TYRO3: variants seen among roughly 807,000 people sequenced by gnomAD.
TYRO3 encodes TYRO3 protein tyrosine kinase.
In TYRO3, 38 loss-of-function variants were observed where a neutral mutation model predicts 95.2. The ratio of observed to expected loss-of-function variants is 0.40; its 90% CI spans 0.31 to 0.52. The LOEUF (loss-of-function observed/expected upper bound fraction) is 0.52, where lower values mean the gene tolerates loss of function less well. Among genes scored for constraint, TYRO3 ranks in the 20% least tolerant of loss-of-function variants. The pLI is 0.56. For synonymous variants in TYRO3, 367 were observed against 432.9 expected, an observed-to-expected ratio of 0.85 and a Z score of 1.89; for missense variants, 812 against 1,116.4, an observed-to-expected ratio of 0.73 and a Z score of 3.89.
intron 18 of TYRO3, chr15:41,574,546 C>T (rs959735236): frequency 1.9e-5 from 8 of 421,866 alleles, no homozygotes; most frequent in Middle Eastern, 3.5e-4. Context: ...ACATGGCCAA[C>T]GTCACAGAGC....
intron 6 of TYRO3, among the ~76,000 whole-genome samples, chr15:41,566,321 A>G (rs1439162096): frequency 4.1e-3 from 3 of 740 alleles, no homozygotes; most frequent in Non-Finnish European, 0.033. Flanking sequence ...TGTCTCTATT[A>G]AAAAAAAAAA....
rs927075496 is a variant in TYRO3 at position 41,578,974 on chromosome 15, G to T, written c.*698G>T. On this transcript the variant is annotated 3_prime_UTR_variant, in exon 19 of 19. Transcript: ENST00000263798. ...TGCCGAGCCAGCAAGAGGAAGGGGT[G>T]CTGTGAGGCTTGCCCAGGAGCAAGT... 1.3e-5 allele frequency: 2 copies of T among 153,516 alleles called. No homozygotes were observed. The highest frequency in any genetic ancestry group is 4.8e-5 in the African/African-American group (2 of 41,460). The allele number at this position is 153,516 out of a possible 1,614,324, so 9.5% of individuals were successfully genotyped here.
chr15:41,559,340 C>T lies in TYRO3; in HGVS notation c.83C>T (p.Ala28Val). The T allele has an allele frequency of 2.8e-6, 1 of 355,856 alleles. No individual in the cohort carries two copies. Among genetic ancestry groups the T allele is most frequent in the Non-Finnish European group, 5.0e-6 (1 of 199,618 alleles). The allele number at this position is 355,856 out of a possible 1,614,324, so 22.0% of individuals were successfully genotyped here. Residue 28 changes from alanine (A) to valine (V), a missense_variant, in exon 1 of 19, where the codon GCG becomes GTG. Coordinates refer to ENST00000263798, the MANE Select transcript of TYRO3 (RefSeq NM_006293.4). ...PPPPRLGLLL[A>V]ALASLLLPES... ...CCACCGCGGCTCGGGCTGCTGCTGGCGGCTCTGGCTTCTCTGCTGCTCCCG... is the reference window on the plus strand; with the variant it reads ...CCACCGCGGCTCGGGCTGCTGCTGGTGGCTCTGGCTTCTCTGCTGCTCCCG...
At chr15:41,575,842 C>CG (rs2055852764) in intron 18 of TYRO3, among the ~76,000 whole-genome samples, 1 of 152,076 alleles carries the variant, frequency 6.6e-6, no homozygotes, top group African/African-American at 2.4e-5. Flanking sequence ...TGGCAGGGGA[C>CG]GGTGGCTCAC....
At chr15:41,573,865 T>G (rs1443490177) in intron 18 of TYRO3, 50 bp downstream of exon 18, 2 of 1,369,046 alleles carry the variant, frequency 1.5e-6, no homozygotes, top group Non-Finnish European at 2.0e-6. Flanking sequence ...ATCTGGAGTT[T>G]TGGCTGATGG....
intron 1 of TYRO3, 133 bp downstream of exon 1, chr15:41,559,514 C>G (rs900996184): frequency 3.5e-6 from 1 of 286,646 alleles, no homozygotes; most frequent in South Asian, 1.6e-4. Flanking sequence ...GGCTCGGAGC[C>G]GGGACAGGGC....
At chr15:41,566,762 A>T (rs561890622) in intron 6 of TYRO3, among the ~76,000 whole-genome samples, 1 of 152,364 alleles carries the variant, frequency 6.6e-6, no homozygotes, top group South Asian at 2.1e-4. Context: ...TTACAAATGC[A>T]AACCTGATCT....
chr15:41,566,320 T>TA (rs57924730), intron 6 of TYRO3, among the ~76,000 whole-genome samples: 8 of 40,956 alleles, frequency 2.0e-4, no homozygotes, highest in African/African-American at 8.3e-4. Flanking sequence ...CTGTCTCTAT[T>TA]AAAAAAAAAA....
At chr15:41,565,257 C>T in intron 6 of TYRO3, 116 bp downstream of exon 6, 2 of 664,140 alleles carry the variant, frequency 3.0e-6, no homozygotes, top group Non-Finnish European at 2.7e-6. Context: ...TCTTTTCAGG[C>T]TCTGCTCCTT....
intron 7 of TYRO3, 104 bp from the exon 8 acceptor site, chr15:41,568,113 C>A: frequency 6.8e-7 from 1 of 1,474,034 alleles, no homozygotes; most frequent in Non-Finnish European, 9.3e-7. Context: ...CAGTTTGTGC[C>A]TCTCAGAGCT....
rs1251813146 is a variant in TYRO3, at chr15:41,581,799, G to C, written c.*3523G>C. ...ACTGAGATGGCACCAGTGCACTCCAGCCTGGGTGACAGAGCGAGACTCCAT... is the reference window on the plus strand; with the variant it reads ...ACTGAGATGGCACCAGTGCACTCCACCCTGGGTGACAGAGCGAGACTCCAT... On this transcript the variant is annotated 3_prime_UTR_variant, in exon 19 of 19. Transcript: ENST00000263798. 7.5e-6 allele frequency: 1 copy of C among 133,122 alleles called. No individual in the cohort carries two copies. Among genetic ancestry groups the C allele is most frequent in the Non-Finnish European group, 1.5e-5 (1 of 65,248 alleles). 8.2% of individuals were successfully genotyped at this position (133,122 alleles called of 1,614,324 possible).
intron 6 of TYRO3, among the ~76,000 whole-genome samples, chr15:41,566,127 A>G (rs1395217817): frequency 6.6e-6 from 1 of 152,012 alleles, no homozygotes; most frequent in East Asian, 1.9e-4. Flanking sequence ...AGCCTGGGCA[A>G]CATGGCAAAA....
intron 4 of TYRO3, among the ~76,000 whole-genome samples, chr15:41,563,451 A>G (rs2055682209): frequency 6.6e-6 from 1 of 152,148 alleles, no homozygotes; most frequent in South Asian, 2.1e-4. Context: ...GCGCTGAGCT[A>G]GGTTCTCCAG....
chr15:41,581,619 G>A lies in TYRO3; in HGVS notation c.*3343G>A, dbSNP rs2055923826. The A allele has an allele frequency of 6.6e-6, 1 of 152,166 alleles. No individual in the cohort carries two copies. The highest frequency in any genetic ancestry group is 2.4e-5 in the African/African-American group (1 of 41,484). The allele number at this position is 152,166 out of a possible 1,614,324, so 9.4% of individuals were successfully genotyped here. ...AGGCGGGTGGATCACCTGAGGTCAG[G>A]GGTTCAAGACCAGCCTGGCCAACAT... On this transcript the variant is annotated 3_prime_UTR_variant, in exon 19 of 19. Transcript: ENST00000263798.
chr15:41,567,414 C>G lies in TYRO3; in HGVS notation c.838C>G (p.Pro280Ala). The change falls in exon 7 of 19, where the codon CCC (proline) becomes GCC (alanine). Residue 280 changes from proline to alanine, a missense_variant. Transcript: ENST00000263798. ...EVLAVVVPVP[P>A]FTCLLRDLVP... ...CCTGGCTGTTGTGGTCCCTGTGCCC[C>G]CCTTTACCTGCCTGCTCCGGGACCT... is the stretch of plus-strand genomic sequence containing the variant. The G allele has an allele frequency of 6.2e-7, 1 of 1,609,308 alleles. No individual in the cohort carries two copies. Among genetic ancestry groups the G allele is most frequent in the African/African-American group, 1.3e-5 (1 of 74,684 alleles).
chr15:41,561,263 C>T lies in TYRO3; in HGVS notation c.261C>T (p.Asp87=). The change falls in exon 2 of 19, where the codon GAC becomes GAT. Residue 87 remains aspartate, a synonymous_variant. Transcript: ENST00000263798. ...VKDGAVVQNL[D]QLYIPVSEQH... Reference sequence around the variant, plus strand: ...ATGGGGCTGTGGTCCAGAACTTGGACCAGTTGTACATCCCAGTCAGCGAGC... The same window carrying T: ...ATGGGGCTGTGGTCCAGAACTTGGATCAGTTGTACATCCCAGTCAGCGAGC... 1.2e-6 allele frequency: 2 copies of T among 1,614,140 alleles called. No homozygotes were observed. Among genetic ancestry groups the T allele is most frequent in the East Asian group, 2.2e-5 (1 of 44,876 alleles).
chr15:41,570,361 G>T, intron 11 of TYRO3, 21 bp downstream of exon 11: 3 of 1,612,176 alleles, frequency 1.9e-6, no homozygotes, highest in Non-Finnish European at 2.5e-6. Flanking sequence ...GGTGATCGTG[G>T]GAAGGACAAA....
intron 18 of TYRO3, among the ~76,000 whole-genome samples, chr15:41,575,707 G>A (rs188674899): frequency 5.9e-5 from 9 of 152,312 alleles, no homozygotes; most frequent in East Asian, 5.8e-4. Flanking sequence ...TGGTCTCAGC[G>A]TCTTTCCATT....
Position 41,573,356 on chromosome 15 carries a change from G to A in TYRO3, c.2034G>A (p.Arg678=), listed in dbSNP as rs1469586061. Residue 678 remains arginine (R), a synonymous_variant, in exon 17 of 19, where the codon CGG becomes CGA. Transcript: ENST00000263798. ...TVCVADFGLS[R]KIYSGDYYRQ... is the part of the protein sequence containing the mutation. ...GTGTGGCTGACTTCGGACTCTCCCG[G>A]AAGATCTACAGTGGGGACTACTATC... The A allele has an allele frequency of 5.0e-6, 8 of 1,614,242 alleles. No homozygotes were observed. The East Asian group carries it at 1.8e-4, about 36-fold the overall frequency.
Sources: gnomAD v4.1 joint callset for allele counts (sites outside exome capture counted in the v4.1 genomes callset) on GRCh38, gnomAD v4.1.1 for gene constraint, MANE v1.5 for transcripts, NCBI Gene and HGNC (gene_info 2026-07-23, HGNC 2026-07-21) for gene names.